Variants in GNAQ observed in about 807,000 individuals in gnomAD.
GNAQ encodes the protein guanine nucleotide-binding protein G(q) subunit alpha.
Under a neutral mutation model 43.9 loss-of-function variants are expected in GNAQ, and 8 were observed. That is an observed-to-expected ratio of 0.18 (90% CI 0.11 to 0.33). GNAQ has a LOEUF of 0.33. Ranked by LOEUF, GNAQ falls within the 10% of genes least tolerant of loss-of-function variation. The pLI is 1.00. For missense variants in GNAQ, 158 were observed against 450.8 expected (o/e 0.35, Z 5.88); for synonymous variants, 155 against 170.7 (o/e 0.91, Z 0.71).
intron 1 of GNAQ, among the ~76,000 whole-genome samples, chr9:77,971,905 C>T (rs1226471961): frequency 6.6e-6 from 1 of 152,124 alleles, no homozygotes; most frequent in Non-Finnish European, 1.5e-5. Flanking sequence ...TATTTATTCT[C>T]TTAGTAGCAA....
intron 2 of GNAQ, among the ~76,000 whole-genome samples, chr9:77,905,390 C>G (rs920552501): frequency 2.0e-5 from 3 of 152,306 alleles, no homozygotes; most frequent in Admixed American, 2.0e-4. Context: ...ATTAGAGTCT[C>G]TGGTGGCTGG....
chr9:77,904,869 A>G (rs1452520886), intron 2 of GNAQ, among the ~76,000 whole-genome samples: 1 of 150,684 alleles, frequency 6.6e-6, no homozygotes, highest in Non-Finnish European at 1.5e-5. Context: ...ATCATTTTAA[A>G]GGAGACACAC....
At position 77,727,524 on chromosome 9, in the gene GNAQ, G is replaced by C. The variant is rs10119366; in HGVS notation, c.889+990C>G. On this transcript the variant is annotated intron_variant, in intron 6 of 6. Transcript: ENST00000286548. The stretch of plus-strand genomic sequence containing the variant: ...CAAATAATGCAGAGCCATAGGAGTA[G>C]TGAAGTGGATGCTATAGATTCTAAG... 7.0e-3 allele frequency among the ~76,000 whole-genome samples: 1,065 copies of C among 152,284 alleles called. 18 individuals are homozygous for C. Among genetic ancestry groups the C allele is most frequent in the African/African-American group, 0.024 (1,017 of 41,554 alleles).
At chr9:77,838,988 G>A (rs902431092) in intron 2 of GNAQ, among the ~76,000 whole-genome samples, 1 of 152,026 alleles carries the variant, frequency 6.6e-6, no homozygotes, top group African/African-American at 2.4e-5. Context: ...TCTTCATTAA[G>A]AGAAGAGTAG....
At chr9:77,781,070 CTG>C (rs1826386591) in intron 5 of GNAQ, among the ~76,000 whole-genome samples, 1 of 150,960 alleles carries the variant, frequency 6.6e-6, no homozygotes, top group South Asian at 2.1e-4. Flanking sequence ...TCTTTCTACT[CTG>C]TTGTTTCCAT....
intron 1 of GNAQ, among the ~76,000 whole-genome samples, chr9:78,017,399 T>C (rs1222530443): frequency 6.6e-6 from 1 of 152,184 alleles, no homozygotes; most frequent in Non-Finnish European, 1.5e-5. Flanking sequence ...TTCCAAAAGA[T>C]TTATATTAAC....
At chr9:77,803,589 A>G (rs965898719) in intron 3 of GNAQ, among the ~76,000 whole-genome samples, 2 of 152,234 alleles carry the variant, frequency 1.3e-5, no homozygotes, top group African/African-American at 4.8e-5. Flanking sequence ...ATTAAACAAC[A>G]TATTTTGGCC....
At chr9:77,879,841 G>C (rs1402125526) in intron 2 of GNAQ, among the ~76,000 whole-genome samples, 1 of 152,188 alleles carries the variant, frequency 6.6e-6, no homozygotes, top group African/African-American at 2.4e-5. Flanking sequence ...AGTTCACTAA[G>C]GTTAAAAGTA....
intron 5 of GNAQ, among the ~76,000 whole-genome samples, chr9:77,762,712 A>G (rs1826069025): frequency 6.6e-6 from 1 of 152,014 alleles, no homozygotes; most frequent in Non-Finnish European, 1.5e-5. Context: ...TCTGTGTGGA[A>G]AGAAGTAGAC....
At chr9:77,816,592 A>AAT (rs544796709) in intron 2 of GNAQ, among the ~76,000 whole-genome samples, 18 of 151,696 alleles carry the variant, frequency 1.2e-4, no homozygotes, top group Non-Finnish European at 1.8e-4. Flanking sequence ...TATGGAATGC[A>AAT]ATATATATAT....
chr9:78,025,881 C>G (rs1409450334), intron 1 of GNAQ, among the ~76,000 whole-genome samples: 1 of 152,128 alleles, frequency 6.6e-6, no homozygotes, highest in Non-Finnish European at 1.5e-5. Flanking sequence ...GTAAGTGTGC[C>G]TGGATCATAA....
At chr9:77,875,045 T>G (rs994703286) in intron 2 of GNAQ, among the ~76,000 whole-genome samples, 1 of 152,156 alleles carries the variant, frequency 6.6e-6, no homozygotes, top group African/African-American at 2.4e-5. Context: ...GTAATTTATT[T>G]GACCCACTGA....
At chr9:77,809,043 A>G (rs1217460946) in intron 3 of GNAQ, among the ~76,000 whole-genome samples, 1 of 152,154 alleles carries the variant, frequency 6.6e-6, no homozygotes. Flanking sequence ...TGGATGTGTT[A>G]CCCTATCTCT....
At chr9:78,015,559 T>C (rs1823828668) in intron 1 of GNAQ, among the ~76,000 whole-genome samples, 1 of 152,164 alleles carries the variant, frequency 6.6e-6, no homozygotes, top group Non-Finnish European at 1.5e-5. Flanking sequence ...AATACACATA[T>C]ATTTATGGTT....
intron 1 of GNAQ, among the ~76,000 whole-genome samples, chr9:78,003,720 G>T (rs564847928): frequency 6.6e-6 from 1 of 151,906 alleles, no homozygotes; most frequent in South Asian, 2.1e-4. Context: ...GGAGGCTGAG[G>T]CACGAGAATC....
chr9:77,943,289 C>A (rs551874447), intron 1 of GNAQ, among the ~76,000 whole-genome samples: 2 of 152,282 alleles, frequency 1.3e-5, no homozygotes, highest in South Asian at 4.1e-4. Flanking sequence ...AGCTACAAAC[C>A]ACAAAAGAAA....
intron 2 of GNAQ, among the ~76,000 whole-genome samples, chr9:77,855,666 T>C (rs1827742569): frequency 6.6e-6 from 1 of 152,058 alleles, no homozygotes; most frequent in Admixed American, 6.6e-5. Context: ...CTCATGTTAA[T>C]CTATTAAAGT....
At position 77,801,836 on chromosome 9, in the gene GNAQ, T is replaced by C. The variant is rs146065935; in HGVS notation, c.477-4188A>G. On this transcript the variant is annotated intron_variant, in intron 3 of 6. Coordinates refer to ENST00000286548, the MANE Select transcript of GNAQ (RefSeq NM_002072.5). ...CTGGGAAGCTACCCAGGATTGAAGA[T>C]ATGTTACAGACAATTTGTGAAGCAG... Among the ~76,000 whole-genome samples the C allele has an allele frequency of 5.7e-3, 861 of 152,270 alleles. 23 individuals carry two copies. Among genetic ancestry groups the C allele is most frequent in the East Asian group, 0.024 (127 of 5,186 alleles).
At chr9:77,723,360 C>G (rs1825348466) in intron 6 of GNAQ, among the ~76,000 whole-genome samples, 1 of 152,142 alleles carries the variant, frequency 6.6e-6, no homozygotes, top group African/African-American at 2.4e-5. Context: ...ATAGAATAAC[C>G]ATATGACCGA....
Sources: gnomAD v4.1 joint callset for allele counts (sites outside exome capture counted in the v4.1 genomes callset) on GRCh38, gnomAD v4.1.1 for gene constraint, MANE v1.5 for transcripts, NCBI Gene and HGNC (gene_info 2026-07-23, HGNC 2026-07-21) for gene names.